Variants in RNF144A observed in about 807,000 individuals in gnomAD.
The protein encoded by RNF144A is ring finger protein 144A, also known as E3 ubiquitin-protein ligase RNF144A.
A neutral mutation model predicts 38.7 loss-of-function variants in RNF144A; 11 were observed. The ratio of observed to expected loss-of-function variants is 0.28; its 90% confidence interval spans 0.18 to 0.47. The LOEUF is 0.47. RNF144A is among the 20% of genes least tolerant of loss of function. The pLI is 0.99. For synonymous variants in RNF144A, 149 were observed against 143.9 expected (o/e 1.04, Z -0.25); for missense variants, 316 against 377.2 (o/e 0.84, Z 1.34).
At position 7,007,736 on chromosome 2, in the gene RNF144A, C is replaced by T. The variant is rs117695087; in HGVS notation, c.136-6718C>T. ...CCCTGCTACCACACTGCCTCTGTTC[C>T]GTTCCCCTGGGAGGTCTTCGTGATG... On this transcript the variant is annotated intron_variant, in intron 3 of 8. Coordinates refer to ENST00000320892, the MANE Select transcript of RNF144A (RefSeq NM_014746.6). Among the ~76,000 whole-genome samples, 42 of 152,296 alleles carry T rather than the reference C, an allele frequency of 2.8e-4. 1 individual carries two copies. The East Asian group carries it at 7.1e-3, about 26-fold the overall frequency.
chr2:6,942,455 C>A (rs1666063320), intron 2 of RNF144A, among the ~76,000 whole-genome samples: 1 of 152,176 alleles, frequency 6.6e-6, no homozygotes, highest in African/African-American at 2.4e-5. Flanking sequence ...GTAATCCAGA[C>A]AAGAGAAAGT....
chr2:7,017,423 C>T (rs1275181771), intron 5 of RNF144A, among the ~76,000 whole-genome samples: 1 of 151,562 alleles, frequency 6.6e-6, no homozygotes, highest in East Asian at 1.9e-4. Context: ...ATGTTGCCAT[C>T]TCACAGCAGG....
At chr2:7,067,199 C>T (rs1674269223) in intron 6 of RNF144A, among the ~76,000 whole-genome samples, 1 of 152,198 alleles carries the variant, frequency 6.6e-6, no homozygotes, top group African/African-American at 2.4e-5. Context: ...TGGACTGGAT[C>T]CTGAATTCTC....
At chr2:6,961,798 T>C (rs901822678) in intron 2 of RNF144A, among the ~76,000 whole-genome samples, 2 of 152,222 alleles carry the variant, frequency 1.3e-5, no homozygotes, top group Non-Finnish European at 2.9e-5. Flanking sequence ...ATTCCTGACT[T>C]GGCCACCTGG....
chr2:6,990,153 C>T (rs1003993449), intron 2 of RNF144A, among the ~76,000 whole-genome samples: 4 of 152,044 alleles, frequency 2.6e-5, no homozygotes, highest in African/African-American at 9.7e-5. Flanking sequence ...TCTTGCAGTT[C>T]TGGAGGCTGG....
Position 6,959,859 on chromosome 2 carries a change from A to G in RNF144A, c.-12+18712A>G, listed in dbSNP as rs183056903. 3.2e-3 allele frequency among the ~76,000 whole-genome samples: 486 copies of G among 152,342 alleles called. 5 individuals are homozygous for G. The highest frequency in any genetic ancestry group is 0.011 in the African/African-American group (468 of 41,576). ...TCCAGAGGGAACCAACATTGAAACC[A>G]TAGCACTGGAGCAGCAAGTGAAGTT... On this transcript the variant is annotated intron_variant, in intron 2 of 8. Coordinates refer to ENST00000320892, the MANE Select transcript of RNF144A (RefSeq NM_014746.6).
intron 8 of RNF144A, 54 bp downstream of exon 8, chr2:7,030,269 G>GTGTT (rs1672206675): frequency 9.5e-6 from 5 of 525,998 alleles, no homozygotes; most frequent in Non-Finnish European, 1.4e-5. Flanking sequence ...GTGTGTGTGT[G>GTGTT]TGTGTGTGTG....
At chr2:7,028,488 G>A (rs796292939) in intron 7 of RNF144A, among the ~76,000 whole-genome samples, 1 of 152,182 alleles carries the variant, frequency 6.6e-6, no homozygotes, top group Non-Finnish European at 1.5e-5. Context: ...GTGCAGCCAG[G>A]CTTGTCCATG....
At chr2:6,918,255 G>C (rs1258769185) in intron 1 of RNF144A, 4 of 152,418 alleles carry the variant, frequency 2.6e-5, no homozygotes, top group Admixed American at 1.3e-4. Flanking sequence ...CGCCGCCCGA[G>C]CCCCGGAGTT....
chr2:7,016,324 G>A (rs890101658), intron 5 of RNF144A, among the ~76,000 whole-genome samples: 2 of 152,102 alleles, frequency 1.3e-5, no homozygotes, highest in African/African-American at 2.4e-5. Flanking sequence ...TTAGACTTCT[G>A]AGACTTTCAG....
intron 8 of RNF144A, among the ~76,000 whole-genome samples, chr2:7,038,506 T>A (rs1319408461): frequency 6.6e-6 from 1 of 152,186 alleles, no homozygotes; most frequent in Non-Finnish European, 1.5e-5. Flanking sequence ...AAGTGCAGTG[T>A]CTGGGTCAGG....
the RNF144A span, among the ~76,000 whole-genome samples, chr2:7,074,275 G>A: frequency 2.0e-5 from 3 of 152,096 alleles, no homozygotes; most frequent in African/African-American, 4.8e-5. Context: ...AACTGTGCTC[G>A]TTCTGGGCCT....
intron 2 of RNF144A, 161 bp from the exon 3 acceptor site, chr2:6,996,755 A>T: frequency 2.7e-6 from 2 of 728,128 alleles, no homozygotes; most frequent in Non-Finnish European, 2.2e-6. Flanking sequence ...TCCATCTCAA[A>T]AAAAACCAAA....
chr2:7,017,156 G>A (rs956145122), intron 5 of RNF144A, among the ~76,000 whole-genome samples: 4 of 152,190 alleles, frequency 2.6e-5, no homozygotes, highest in African/African-American at 9.6e-5. Context: ...ACCCAGCGGT[G>A]CTGTGCTAAG....
chr2:6,959,348 C>G (rs186045553), intron 2 of RNF144A, among the ~76,000 whole-genome samples: 26 of 152,250 alleles, frequency 1.7e-4, no homozygotes, highest in African/African-American at 6.3e-4. Context: ...GAGCATGGCT[C>G]ATTGGTGTGA....
At chr2:6,969,278 T>C (rs1667855165) in intron 2 of RNF144A, among the ~76,000 whole-genome samples, 1 of 152,116 alleles carries the variant, frequency 6.6e-6, no homozygotes, top group African/African-American at 2.4e-5. Context: ...GCCTTTACAG[T>C]GGTAATCAAG....
chr2:6,926,101 G>A (rs1272321472), intron 1 of RNF144A, among the ~76,000 whole-genome samples: 1 of 152,202 alleles, frequency 6.6e-6, no homozygotes, highest in Non-Finnish European at 1.5e-5. Flanking sequence ...GTTACTGAGA[G>A]CCAGGTTCTC....
Position 7,008,802 on chromosome 2 carries a change from G to C in RNF144A, c.136-5652G>C, listed in dbSNP as rs147317295. ...TGCTCCTGAGACCTCTGAATGGCCAGGGAGCCGGGGCTCTGGGCATCCTCC... is the reference window on the plus strand; with the variant it reads ...TGCTCCTGAGACCTCTGAATGGCCACGGAGCCGGGGCTCTGGGCATCCTCC... On this transcript the variant is annotated intron_variant, in intron 3 of 8. Coordinates refer to ENST00000320892, the MANE Select transcript of RNF144A (RefSeq NM_014746.6). 2.4e-3 allele frequency among the ~76,000 whole-genome samples: 359 copies of C among 152,342 alleles called. 2 individuals carry two copies. The highest frequency in any genetic ancestry group is 8.0e-3 in the African/African-American group (332 of 41,574).
chr2:7,059,778 G>A (rs1238728066), intron 6 of RNF144A, among the ~76,000 whole-genome samples: 1 of 152,186 alleles, frequency 6.6e-6, no homozygotes, highest in South Asian at 2.1e-4. Flanking sequence ...TTTGGTGCTG[G>A]AGAACTTACA....
Sources: gnomAD v4.1 joint callset for allele counts (sites outside exome capture counted in the v4.1 genomes callset) on GRCh38, gnomAD v4.1.1 for gene constraint, MANE v1.5 for transcripts, NCBI Gene and HGNC (gene_info 2026-07-23, HGNC 2026-07-21) for gene names.